ATRNL1: variants seen among roughly 807,000 people sequenced by gnomAD.
ATRNL1 encodes the protein attractin-like protein 1.
Under a neutral mutation model 182.7 loss-of-function variants are expected in ATRNL1, and 95 were observed. The ratio of observed to expected loss-of-function variants is 0.52; its 90% CI spans 0.44 to 0.62. ATRNL1 has a LOEUF of 0.62. ATRNL1 is among the 20% of genes least tolerant of loss of function. The pLI is 0.00. For synonymous variants in ATRNL1, 576 were observed against 568.3 expected, an observed-to-expected ratio of 1.01 and a Z score of -0.19; for missense variants, 1,471 against 1,679.5, an observed-to-expected ratio of 0.88 and a Z score of 2.17.
chr10:115,907,799 G>T (rs1555114905), intron 28 of ATRNL1, among the ~76,000 whole-genome samples: 1 of 152,018 alleles, frequency 6.6e-6, no homozygotes, highest in Non-Finnish European at 1.5e-5. Context: ...ACTCTGACAT[G>T]ACATGTAGAG....
intron 25 of ATRNL1, among the ~76,000 whole-genome samples, chr10:115,521,614 C>G (rs575372165): frequency 6.6e-5 from 10 of 152,198 alleles, no homozygotes; most frequent in African/African-American, 9.6e-5. Context: ...TTCAATAGCT[C>G]TTTTGTTAAG....
At chr10:115,611,054 C>CTTTTTTTTTT (rs3086300) in intron 26 of ATRNL1, among the ~76,000 whole-genome samples, 8 of 147,050 alleles carry the variant, frequency 5.4e-5, no homozygotes, top group African/African-American at 2.0e-4. Flanking sequence ...TTTCAAAGGA[C>CTTTTTTTTTT]TTTTTTTTTT....
chr10:115,254,337 G>A (rs112955663), intron 10 of ATRNL1, among the ~76,000 whole-genome samples: 21 of 152,298 alleles, frequency 1.4e-4, no homozygotes, highest in African/African-American at 4.8e-4. Flanking sequence ...TCTAACTGGT[G>A]TGAGATTGTA....
At chr10:115,376,948 A>G (rs1857708216) in intron 19 of ATRNL1, among the ~76,000 whole-genome samples, 4 of 152,114 alleles carry the variant, frequency 2.6e-5, no homozygotes, top group Admixed American at 6.5e-5. Context: ...CAAATGATCT[A>G]TCTCTGAGTT....
At chr10:115,154,868 G>T (rs1217784533) in intron 5 of ATRNL1, among the ~76,000 whole-genome samples, 2 of 152,140 alleles carry the variant, frequency 1.3e-5, no homozygotes, top group Admixed American at 6.6e-5. Flanking sequence ...GGCACTCTTA[G>T]ACTGCCACTG....
At chr10:115,445,786 C>T (rs114034854) in intron 21 of ATRNL1, among the ~76,000 whole-genome samples, 1 of 4,642 alleles carries the variant, frequency 2.2e-4, no homozygotes, top group East Asian at 0.045. Context: ...TTTTCACCAG[C>T]TAGTGGCTAC....
At chr10:115,634,569 G>A (rs1555027390) in intron 26 of ATRNL1, among the ~76,000 whole-genome samples, 3 of 151,832 alleles carry the variant, frequency 2.0e-5, no homozygotes. Flanking sequence ...ATAAGCCAAA[G>A]GATTCAAGTA....
At chr10:115,358,466 T>C (rs1554943400) in intron 19 of ATRNL1, among the ~76,000 whole-genome samples, 1 of 151,634 alleles carries the variant, frequency 6.6e-6, no homozygotes, top group Non-Finnish European at 1.5e-5. Context: ...ATTTACATTT[T>C]ACTCAATAAT....
chr10:115,389,887 C>T (rs1554953969), intron 19 of ATRNL1, among the ~76,000 whole-genome samples: 1 of 151,986 alleles, frequency 6.6e-6, no homozygotes, highest in Non-Finnish European at 1.5e-5. Flanking sequence ...ATAATAGCCA[C>T]TTAAACACGT....
intron 27 of ATRNL1, among the ~76,000 whole-genome samples, chr10:115,781,080 T>C (rs782277526): frequency 5.3e-5 from 8 of 152,194 alleles, no homozygotes; most frequent in Non-Finnish European, 1.0e-4. Flanking sequence ...GATCTGCAAA[T>C]GTCCAACAAG....
intron 26 of ATRNL1, among the ~76,000 whole-genome samples, chr10:115,643,071 T>G (rs1859357069): frequency 6.6e-6 from 1 of 152,156 alleles, no homozygotes; most frequent in Admixed American, 6.6e-5. Context: ...ATGTTAATAT[T>G]GGCAAGGTTG....
chr10:115,297,719 T>C (rs1281347695), intron 15 of ATRNL1, among the ~76,000 whole-genome samples: 2 of 151,834 alleles, frequency 1.3e-5, no homozygotes, highest in Non-Finnish European at 2.9e-5. Context: ...CTACCACTTA[T>C]GCAGAGCTTA....
At chr10:115,137,777 T>C (rs1352653140) in intron 5 of ATRNL1, among the ~76,000 whole-genome samples, 2 of 152,202 alleles carry the variant, frequency 1.3e-5, no homozygotes, top group East Asian at 1.9e-4. Flanking sequence ...ATTCTGCCAC[T>C]GGCCCCTCCC....
At chr10:115,441,486 C>G (rs1289929860) in intron 21 of ATRNL1, among the ~76,000 whole-genome samples, 1 of 151,878 alleles carries the variant, frequency 6.6e-6, no homozygotes, top group African/African-American at 2.4e-5. Flanking sequence ...TCCAATTTTT[C>G]CTACTCTGTC....
chr10:115,936,446 T>C (rs1405686294), intron 28 of ATRNL1, among the ~76,000 whole-genome samples: 4 of 152,178 alleles, frequency 2.6e-5, no homozygotes, highest in African/African-American at 9.7e-5. Context: ...GAAACACTTG[T>C]TGAGTGAAGT....
At chr10:115,590,251 G>T (rs1855821459) in intron 26 of ATRNL1, among the ~76,000 whole-genome samples, 1 of 152,190 alleles carries the variant, frequency 6.6e-6, no homozygotes, top group Non-Finnish European at 1.5e-5. Context: ...AGATGAGTAG[G>T]TTTATTTAAG....
chr10:115,215,177 A>G (rs1799997533), intron 8 of ATRNL1, among the ~76,000 whole-genome samples: 1 of 152,164 alleles, frequency 6.6e-6, no homozygotes, highest in Non-Finnish European at 1.5e-5. Context: ...AGTCTTGGAA[A>G]TTTTATTGTT....
At chr10:115,109,283 T>A (rs1437385190) in intron 1 of ATRNL1, among the ~76,000 whole-genome samples, 4 of 152,218 alleles carry the variant, frequency 2.6e-5, no homozygotes, top group Non-Finnish European at 5.9e-5. Context: ...GTTATTCAGT[T>A]TTGTGCTGCT....
In ATRNL1 at chr10:115,847,588, CTA is replaced by C. The variant is rs539032384; in HGVS notation, c.3904-287_3904-286del. 2.5e-3 allele frequency among the ~76,000 whole-genome samples: 384 copies of C among 152,168 alleles called. 9 individuals are homozygous for C. The Middle Eastern group carries it at 0.034, about 13-fold the overall frequency. On this transcript the variant is annotated intron_variant, in intron 27 of 28. Transcript: ENST00000355044. ...TGATCACTTAATTAGATAAACTATGCTATGTTATACATCATTGGTGAGAGGAA... is the reference window on the plus strand; with the variant it reads ...TGATCACTTAATTAGATAAACTATGCTGTTATACATCATTGGTGAGAGGAA...
Sources: gnomAD v4.1 joint callset for allele counts (sites outside exome capture counted in the v4.1 genomes callset) on GRCh38, gnomAD v4.1.1 for gene constraint, MANE v1.5 for transcripts, NCBI Gene and HGNC (gene_info 2026-07-23, HGNC 2026-07-21) for gene names.